The following EML1 variants were observed in gnomAD, a reference collection of about 807,000 sequenced individuals.
The protein encoded by EML1 is echinoderm microtubule-associated protein-like 1.
In EML1, 27 loss-of-function variants were observed where a neutral mutation model predicts 110.4. The observed-to-expected ratio is 0.24, with a 90% CI of 0.18 to 0.34. EML1 has a LOEUF of 0.34. EML1 is among the 10% of genes least tolerant of loss of function. EML1 has a pLI of 1.00. For missense variants in EML1, 741 were observed against 1,030.9 expected (o/e 0.72, Z 3.85); for synonymous variants, 344 against 385.8 (o/e 0.89, Z 1.27).
At chr14:99,864,780 G>C (rs1307931269) in intron 2 of EML1, among the ~76,000 whole-genome samples, 2 of 144,678 alleles carry the variant, frequency 1.4e-5, no homozygotes, top group Admixed American at 7.1e-5. Flanking sequence ...ACTCCAGCCT[G>C]AGCAACAAGA....
intron 1 of EML1, among the ~76,000 whole-genome samples, chr14:99,826,108 T>A (rs2058348519): frequency 7.9e-6 from 1 of 125,954 alleles, no homozygotes; most frequent in African/African-American, 4.0e-5. Flanking sequence ...TGCATTGATT[T>A]TTTTTTTTTT....
chr14:99,892,182 G>T (rs1019478940), intron 5 of EML1: 1 of 985,266 alleles, frequency 1.0e-6, no homozygotes. Context: ...AACGCCGGGT[G>T]ACACACTGCA....
At chr14:99,791,663 C>T (rs116869655), upstream of EML1, among the ~76,000 whole-genome samples, 6,289 of 152,278 alleles carry the variant, frequency 0.041, 165 homozygotes, top group Non-Finnish European at 0.053. Flanking sequence ...ATTTCTGGAG[C>T]ACTGCAGACA....
At chr14:99,887,553 C>T (rs901264812) in intron 4 of EML1, among the ~76,000 whole-genome samples, 9 of 152,164 alleles carry the variant, frequency 5.9e-5, no homozygotes, top group African/African-American at 2.2e-4. Flanking sequence ...CCCGCCACCG[C>T]CATGGAGCCA....
intron 1 of EML1, among the ~76,000 whole-genome samples, chr14:99,830,705 C>T (rs1595353723): frequency 2.0e-5 from 3 of 152,050 alleles, no homozygotes; most frequent in Admixed American, 1.3e-4. Context: ...CACCCACCAC[C>T]GCCCCCAGCT....
intron 17 of EML1, among the ~76,000 whole-genome samples, chr14:99,921,915 C>T (rs2060136851): frequency 1.3e-5 from 2 of 152,148 alleles, no homozygotes; most frequent in Non-Finnish European, 2.9e-5. Flanking sequence ...CCACCCTCAC[C>T]CCCAGTCCGA....
chr14:99,816,114 G>A (rs775711438), intron 1 of EML1, among the ~76,000 whole-genome samples: 1 of 152,108 alleles, frequency 6.6e-6, no homozygotes, highest in Non-Finnish European at 1.5e-5. Context: ...CATGGCCTGG[G>A]GTACCTCTGT....
At chr14:99,916,502 T>G (rs1468845149) in intron 15 of EML1, among the ~76,000 whole-genome samples, 1 of 152,188 alleles carries the variant, frequency 6.6e-6, no homozygotes, top group Admixed American at 6.5e-5. Context: ...TCTTCCTTAA[T>G]CTCTTCTCTC....
At chr14:99,805,559 C>T (rs886633058) in intron 1 of EML1, among the ~76,000 whole-genome samples, 6 of 152,078 alleles carry the variant, frequency 3.9e-5, no homozygotes, top group African/African-American at 9.7e-5. Flanking sequence ...ACTGCAGCCT[C>T]GACCTCCCCA....
At chr14:99,929,838 A>G (rs1487337249) in intron 17 of EML1, among the ~76,000 whole-genome samples, 3 of 152,208 alleles carry the variant, frequency 2.0e-5, no homozygotes, top group Non-Finnish European at 4.4e-5. Context: ...CTGCGCTGCC[A>G]TGTGCTAAGA....
At chr14:99,793,323 G>GGCC, upstream of EML1, 1 of 981,490 alleles carries the variant, frequency 1.0e-6, no homozygotes, top group South Asian at 4.6e-5. Flanking sequence ...CGGCGGCGGC[G>GGCC]GGCCCGGGGT....
At chr14:99,777,107 C>T (rs1595267880) in intron 1 of EML1, among the ~76,000 whole-genome samples, 1 of 152,332 alleles carries the variant, frequency 6.6e-6, no homozygotes, top group African/African-American at 2.4e-5. Context: ...CAGAAGAAGA[C>T]TCACAGCAAA....
At chr14:99,879,062 C>T (rs1443832875) in intron 4 of EML1, among the ~76,000 whole-genome samples, 1 of 152,154 alleles carries the variant, frequency 6.6e-6, no homozygotes, top group Non-Finnish European at 1.5e-5. Context: ...TATGATTTAT[C>T]AGAGGCTATG....
At chr14:99,838,917 G>GCGCT (rs746012247) in intron 1 of EML1, 1 of 116,918 alleles carries the variant, frequency 8.6e-6, no homozygotes, top group Admixed American at 7.9e-5. Context: ...GCGCGCGCGC[G>GCGCT]CGTGTGTGTG....
intron 9 of EML1, among the ~76,000 whole-genome samples, chr14:99,902,198 C>T (rs537705590): frequency 1.3e-5 from 2 of 152,258 alleles, no homozygotes; most frequent in African/African-American, 4.8e-5. Flanking sequence ...GCAATATATT[C>T]CACAACAGTA....
At chr14:99,935,504 G>A (rs1158849450) in intron 17 of EML1, among the ~76,000 whole-genome samples, 2 of 151,506 alleles carry the variant, frequency 1.3e-5, no homozygotes, top group African/African-American at 4.9e-5. Context: ...TTTATAAATC[G>A]CTGGACGCAG....
intron 1 of EML1, among the ~76,000 whole-genome samples, chr14:99,782,594 G>A (rs1346139524): frequency 6.6e-6 from 1 of 152,210 alleles, no homozygotes; most frequent in African/African-American, 2.4e-5. Context: ...CCAAGCCTGT[G>A]AGGGAGATAG....
At position 99,917,994 on chromosome 14, in the gene EML1, C is replaced by T. The variant is rs75159810; in HGVS notation, c.1820+145C>T. 5.2e-3 allele frequency: 4,108 copies of T among 796,010 alleles called. 17 individuals are homozygous for T. The highest frequency in any genetic ancestry group is 6.7e-3 in the Non-Finnish European group (3,394 of 507,674). 49.3% of individuals were successfully genotyped at this position (796,010 alleles called of 1,614,324 possible). ...GACTTACCAAGAATTAAGTTAAAAG[C>T]GAAACTTGAAACAGTGGCCCATTAC... On this transcript the variant is annotated intron_variant, in intron 16 of 21. Transcript: ENST00000262233.
intron 1 of EML1, among the ~76,000 whole-genome samples, chr14:99,776,516 AC>A (rs1324156958): frequency 6.6e-6 from 1 of 150,908 alleles, no homozygotes; most frequent in African/African-American, 2.4e-5. Flanking sequence ...AAAAAAAAAA[AC>A]AAAACCTGTG....
Sources: gnomAD v4.1 joint callset for allele counts (sites outside exome capture counted in the v4.1 genomes callset) on GRCh38, gnomAD v4.1.1 for gene constraint, MANE v1.5 for transcripts, NCBI Gene and HGNC (gene_info 2026-07-23, HGNC 2026-07-21) for gene names.